The following CSAD variants were observed in gnomAD, a reference collection of about 807,000 sequenced individuals.
CSAD encodes cysteine sulfinic acid decarboxylase.
A neutral mutation model predicts 61.5 loss-of-function variants in CSAD; 47 were observed. The ratio of observed to expected loss-of-function variants is 0.76; its 90% CI spans 0.60 to 0.97. The LOEUF is 0.97. Among genes scored for constraint, CSAD ranks in the 50% least tolerant of loss-of-function variants. CSAD has a pLI of 0.00. For missense variants in CSAD, 611 were observed against 643.6 expected (o/e 0.95, Z 0.55); for synonymous variants, 245 against 252.7 (o/e 0.97, Z 0.29).
intron 10 of CSAD, among the ~76,000 whole-genome samples, chr12:53,167,430 G>T (rs1020998987): frequency 1.3e-5 from 2 of 152,068 alleles, no homozygotes; most frequent in African/African-American, 4.8e-5. Flanking sequence ...TCCTGATTAG[G>T]TCAATTCTCC....
chr12:53,176,109 G>A (rs748839143), intron 2 of CSAD, among the ~76,000 whole-genome samples: 3 of 152,230 alleles, frequency 2.0e-5, no homozygotes, highest in African/African-American at 4.8e-5. Flanking sequence ...ATACAAGAAG[G>A]GGGGGTGAGG....
intron 2 of CSAD, among the ~76,000 whole-genome samples, chr12:53,177,610 C>T (rs1334699372): frequency 6.6e-6 from 1 of 151,980 alleles, no homozygotes; most frequent in Non-Finnish European, 1.5e-5. Context: ...GGCAACAAAG[C>T]GTGGAGACCC....
intron 2 of CSAD, chr12:53,174,070 C>G (rs7963745): frequency 0.017 from 5,884 of 342,194 alleles, 326 homozygotes; most frequent in African/African-American, 0.12. Context: ...TTTGGGAGGC[C>G]GAGGCGGGCG....
At position 53,158,020 on chromosome 12, in the gene CSAD, C is replaced by T. The variant is rs1266475527; in HGVS notation, c.*491G>A. ...TTTTAATGGCAAAATAACATTTCAT[C>T]ATATAGACATACTGTAATTTATTTA... On this transcript the variant is annotated 3_prime_UTR_variant, in exon 17 of 17. Transcript: ENST00000444623. 6.6e-6 allele frequency: 1 copy of T among 152,148 alleles called. No individual in the cohort carries two copies. Among genetic ancestry groups the T allele is most frequent in the East Asian group, 1.9e-4 (1 of 5,202 alleles). The allele number at this position is 152,148 out of a possible 1,614,324, so 9.4% of individuals were successfully genotyped here. A position where few individuals can be genotyped will look rare whatever the true frequency, so the allele number is the denominator to read the frequency against.
At chr12:53,173,259 G>T in intron 4 of CSAD, 86 bp downstream of exon 4, 2 of 1,188,430 alleles carry the variant, frequency 1.7e-6, no homozygotes, top group Non-Finnish European at 1.2e-6. Flanking sequence ...AAGGAAGGGG[G>T]GGGGAGAAAG....
chr12:53,180,924 AG>A lies in CSAD; in HGVS notation c.-284del. On this transcript the variant is annotated 5_prime_UTR_variant, in exon 1 of 17. Transcript: ENST00000444623. The stretch of plus-strand genomic sequence containing the variant: ...GCAAGCCGTGGGGTGCCGCGCGGGA[AG>A]GGGGAGGGGAGGGGAGGAGGGGCGC... The A allele has an allele frequency of 2.3e-6, 1 of 440,432 alleles. No individual in the cohort carries two copies. The highest frequency in any genetic ancestry group is 2.6e-6 in the Non-Finnish European group (1 of 382,878). 27.3% of individuals were successfully genotyped at this position (440,432 alleles called of 1,614,324 possible).
At chr12:53,180,312 C>CT (rs778704626) in intron 1 of CSAD, 174 of 985,330 alleles carry the variant, frequency 1.8e-4, no homozygotes, top group Non-Finnish European at 2.0e-4. Context: ...TACTCTGGCT[C>CT]TACTTGGGGC....
chr12:53,180,614 G>A (rs773699272), intron 1 of CSAD, 118 bp downstream of exon 1: 100 of 1,283,760 alleles, frequency 7.8e-5, no homozygotes, highest in Non-Finnish European at 9.0e-5. Context: ...CTCTGAGGCT[G>A]CCCCCGCTAG....
At position 53,158,209 on chromosome 12, in the gene CSAD, G is replaced by C. The variant is rs1451175360; in HGVS notation, c.*302C>G. 9.4e-6 allele frequency: 2 copies of C among 212,366 alleles called. No homozygotes were observed. The allele number at this position is 212,366 out of a possible 1,614,324, so 13.2% of individuals were successfully genotyped here. On this transcript the variant is annotated 3_prime_UTR_variant, in exon 17 of 17. Coordinates refer to ENST00000444623, the MANE Select transcript of CSAD (RefSeq NM_001244705.2). ...CCTGGAGTGCAGGGGTGCAATCTCG[G>C]CTCACTGCAACCTCTGCCCCCTGGG...
chr12:53,161,302 G>A lies in CSAD; in HGVS notation c.790C>T (p.Gln264Ter). The change falls in exon 11 of 17, where the codon CAG becomes TAG. Residue 264 changes from glutamine to a stop codon, truncating the protein, a stop_gained. Transcript: ENST00000444623. LOFTEE classifies it high-confidence loss of function. ...DPLEAIADVC[Q>*]RHGLWLHVDA... is the part of the protein sequence containing the mutation. The stretch of plus-strand genomic sequence containing the variant: ...ACATGCAGCCATAGCCCATGACGCT[G>A]GCACACATCAGCAATTGCCTCCAGG... The A allele has an allele frequency of 1.2e-6, 2 of 1,614,086 alleles. No homozygotes were observed. The highest frequency in any genetic ancestry group is 3.3e-5 in the Admixed American group (2 of 60,014).
Position 53,173,358 on chromosome 12 carries a change from C to A in CSAD, c.113G>T (p.Ser38Ile). 1 of 1,614,190 alleles carries A rather than the reference C, an allele frequency of 6.2e-7. No homozygotes were observed. Among genetic ancestry groups the A allele is most frequent in the African/African-American group, 1.3e-5 (1 of 75,060 alleles). Residue 38 changes from serine to isoleucine, a missense_variant, in exon 4 of 17, where the codon AGT becomes ATT. Transcript: ENST00000444623. ...GAAAGGACTCACCTTCTGGGAGACA[C>A]TGGTTCCTTTCTGAATGGCCTCATC... Reference protein sequence around the residue: ...VVDEAIQKGTSVSQKVCEWKE... With the variant: ...VVDEAIQKGTIVSQKVCEWKE...
Position 53,170,506 on chromosome 12 carries a change from T to C in CSAD, c.568-4A>G, listed in dbSNP as rs747694060. On this transcript the variant is annotated splice_polypyrimidine_tract_variant and splice_region_variant and intron_variant, in intron 8 of 16. Coordinates refer to ENST00000444623, the MANE Select transcript of CSAD (RefSeq NM_001244705.2). The stretch of plus-strand genomic sequence containing the variant: ...CCTTCTGGATGGAGTAGTGACACTG[T>C]GGGGGAAGGCAGAGGGCAAGTTAGC... The C allele has an allele frequency of 1.7e-5, 27 of 1,613,008 alleles. No individual in the cohort carries two copies. In the South Asian group the frequency reaches 2.7e-4, roughly 16 times the overall value.
In CSAD at chr12:53,176,895, GTTAA is replaced by G. The variant is rs1328411910; in HGVS notation, c.-50+2203_-50+2206del. Among the ~76,000 whole-genome samples the G allele has an allele frequency of 3.9e-5, 6 of 151,990 alleles. No individual in the cohort carries two copies. In the East Asian group the frequency reaches 9.7e-4, roughly 25 times the overall value. ...CTACAGGCACATGCCAGCATGCCGG[GTTAA>G]TTTTTTAATTTTTTGTAAACAGGGT... On this transcript the variant is annotated intron_variant, in intron 2 of 16. Transcript: ENST00000444623.
intron 10 of CSAD, chr12:53,164,431 G>C (rs971220781): frequency 1.5e-5 from 3 of 199,216 alleles, no homozygotes; most frequent in Non-Finnish European, 3.4e-5. Flanking sequence ...GTCCTCTGCA[G>C]CAACATGGAT....
At chr12:53,165,504 CA>C (rs368725218) in intron 10 of CSAD, among the ~76,000 whole-genome samples, 1 of 149,866 alleles carries the variant, frequency 6.7e-6, no homozygotes. Flanking sequence ...ACTAAAAATA[CA>C]AAAAAAAATT....
Position 53,161,329 on chromosome 12 carries a change from G to T in CSAD, c.763C>A (p.Pro255Thr). The change falls in exon 11 of 17, where the codon CCC becomes ACC. Residue 255 changes from proline (P) to threonine (T), a missense_variant. Transcript: ENST00000444623. ...SGTTVLGAFDPLEAIADVCQR... is the reference protein window; with the variant it reads ...SGTTVLGAFDTLEAIADVCQR... ...CACACATCAGCAATTGCCTCCAGGG[G>T]GTCAAAGGCCCCTAGCACAGTGGTG... 1 of 1,614,032 alleles carries T rather than the reference G, an allele frequency of 6.2e-7. No homozygotes were observed. The highest frequency in any genetic ancestry group is 8.5e-7 in the Non-Finnish European group (1 of 1,180,024).
chr12:53,172,254 G>A, intron 6 of CSAD, 92 bp downstream of exon 6: 1 of 1,168,100 alleles, frequency 8.6e-7, no homozygotes. Context: ...AGTAGAGAGA[G>A]GGCAGAACCA....
chr12:53,181,318 C>T (rs1212873408), upstream of CSAD: 1 of 985,448 alleles, frequency 1.0e-6, no homozygotes, highest in Non-Finnish European at 1.2e-6. Context: ...CTTGAGCTTT[C>T]CTCCACCCTA....
rs558408776 is a variant in CSAD, at chr12:53,170,080, C to T, written c.694G>A (p.Glu232Lys). Residue 232 changes from glutamate (E) to lysine (K), a missense_variant, in exon 10 of 17, where the codon GAG (glutamate) becomes AAG (lysine). Coordinates refer to ENST00000444623, the MANE Select transcript of CSAD (RefSeq NM_001244705.2). ...GAGCCTCACTGACTCACCTCAGCCT[C>T]GGCCATACCAATCTGCCTCTCCAGA... Reference protein sequence around the residue: ...EDLERQIGMAEAEGAVPFLVS... With the variant: ...EDLERQIGMAKAEGAVPFLVS... 16 of 1,613,998 alleles carry T rather than the reference C, an allele frequency of 9.9e-6. No individual in the cohort carries two copies. The highest frequency in any genetic ancestry group is 5.3e-5 in the African/African-American group (4 of 75,028).
Sources: allele counts gnomAD v4.1 joint callset (sites outside exome capture counted in the v4.1 genomes callset), GRCh38; gene constraint gnomAD v4.1.1; transcripts MANE v1.5; gene names NCBI Gene and HGNC (gene_info 2026-07-23, HGNC 2026-07-21).